CD48: variants seen among roughly 807,000 people sequenced by gnomAD.
CD48 encodes CD48 antigen.
A neutral mutation model predicts 22.0 loss-of-function variants in CD48; 20 were observed. The ratio of observed to expected loss-of-function variants is 0.91; its 90% CI spans 0.64 to 1.32. CD48 has a LOEUF of 1.32. Ranked by LOEUF, CD48 falls within the 40% of genes most tolerant of loss-of-function variation. The pLI, the probability that CD48 is intolerant of heterozygous loss-of-function variation, is 0.00. For missense variants in CD48, 307 were observed against 286.5 expected, an observed-to-expected ratio of 1.07 and a Z score of -0.52; for synonymous variants, 110 against 110.1, an observed-to-expected ratio of 1.00 and a Z score of 0.01.
At chr1:160,687,927 A>G (rs1662061642) in intron 1 of CD48, among the ~76,000 whole-genome samples, 1 of 152,252 alleles carries the variant, frequency 6.6e-6, no homozygotes, top group African/African-American at 2.4e-5. Flanking sequence ...ATGATAAATT[A>G]TCTTCTCTAC....
At chr1:160,694,090 T>G in intron 1 of CD48, among the ~76,000 whole-genome samples, 2 of 152,248 alleles carry the variant, frequency 1.3e-5, no homozygotes, top group African/African-American at 2.4e-5. Context: ...TAAAAGGAGT[T>G]CAAATTCATA....
At chr1:160,691,353 G>A (rs1662210280) in intron 1 of CD48, among the ~76,000 whole-genome samples, 1 of 152,196 alleles carries the variant, frequency 6.6e-6, no homozygotes, top group African/African-American at 2.4e-5. Context: ...ACTGAGATAG[G>A]GAGAAACCAC....
intron 1 of CD48, among the ~76,000 whole-genome samples, chr1:160,688,587 C>G (rs1282494090): frequency 6.6e-6 from 1 of 152,186 alleles, no homozygotes; most frequent in African/African-American, 2.4e-5. Flanking sequence ...ATGTCTGGGT[C>G]TATGTTGATA....
rs139193864 is a variant in CD48, at chr1:160,706,234, C to T, written c.82+5448G>A. 2.2e-3 allele frequency among the ~76,000 whole-genome samples: 332 copies of T among 152,208 alleles called. 1 individual carries two copies. The highest frequency in any genetic ancestry group is 7.5e-3 in the African/African-American group (311 of 41,524). ...GGATTACAGGCATGCACCACCACGC[C>T]GGGCTAATTTTTTGTATTTAGTAGA... is the stretch of plus-strand genomic sequence containing the variant. On this transcript the variant is annotated intron_variant, in intron 1 of 3. Transcript: ENST00000368046.
In CD48 at chr1:160,691,642, G is replaced by A. The variant is rs1048724159; in HGVS notation, c.83-6453C>T. The A allele has an allele frequency of 2.4e-5, 5 of 206,138 alleles. No homozygotes were observed. In the East Asian group the frequency reaches 2.9e-4, roughly 12 times the overall value. 12.8% of individuals were successfully genotyped at this position (206,138 alleles called of 1,614,324 possible). The stretch of plus-strand genomic sequence containing the variant: ...CATATGCTGAACGTTGGTTCCCCGG[G>A]CCCCCTTATTTCTTTCTCTATACTT... On this transcript the variant is annotated intron_variant, in intron 1 of 3. Transcript: ENST00000368046.
At chr1:160,693,119 C>T (rs577651900) in intron 1 of CD48, among the ~76,000 whole-genome samples, 126 of 149,660 alleles carry the variant, frequency 8.4e-4, no homozygotes, top group African/African-American at 3.2e-3. Context: ...AGCATTAATG[C>T]AAAATGAGGC....
At chr1:160,700,676 G>A (rs1471152021) in intron 1 of CD48, among the ~76,000 whole-genome samples, 17 of 152,078 alleles carry the variant, frequency 1.1e-4, no homozygotes, top group African/African-American at 2.9e-4. Flanking sequence ...GAATCTCCCC[G>A]CAACATAGAA....
At chr1:160,684,840 C>T (rs373987455) in intron 2 of CD48, 47 bp downstream of exon 2, 6 of 1,614,114 alleles carry the variant, frequency 3.7e-6, no homozygotes, top group Admixed American at 1.7e-5. Flanking sequence ...AGTGGTCCAT[C>T]TGGGGCCACT....
intron 1 of CD48, among the ~76,000 whole-genome samples, chr1:160,698,684 A>G (rs892061893): frequency 5.3e-5 from 8 of 152,070 alleles, no homozygotes; most frequent in Admixed American, 2.0e-4. Context: ...TACACCCCAA[A>G]TTTATAATGA....
chr1:160,707,292 G>A (rs1462832748), intron 1 of CD48, among the ~76,000 whole-genome samples: 1 of 152,136 alleles, frequency 6.6e-6, no homozygotes, highest in Non-Finnish European at 1.5e-5. Flanking sequence ...AGAATGGTAG[G>A]GCGGTATGTA....
At chr1:160,695,499 CA>C (rs2102421312) in intron 1 of CD48, among the ~76,000 whole-genome samples, 2 of 152,402 alleles carry the variant, frequency 1.3e-5, no homozygotes, top group Admixed American at 1.3e-4. Flanking sequence ...TAAGAAAAGA[CA>C]CATTAAAAAC....
chr1:160,685,252 G>GTA, intron 1 of CD48, 63 bp from the exon 2 acceptor site: 1 of 1,244,484 alleles, frequency 8.0e-7, no homozygotes, highest in Non-Finnish European at 1.1e-6. Context: ...CAGGCCCAGG[G>GTA]TATAGCCTGG....
intron 1 of CD48, among the ~76,000 whole-genome samples, chr1:160,707,742 AAG>A (rs1180579748): frequency 6.6e-6 from 1 of 152,180 alleles, no homozygotes; most frequent in Non-Finnish European, 1.5e-5. Context: ...CAGGGCCAGT[AAG>A]AGCTACTCTG....
chr1:160,711,447 T>C (rs989975158), intron 1 of CD48, among the ~76,000 whole-genome samples: 4 of 152,200 alleles, frequency 2.6e-5, no homozygotes, highest in Non-Finnish European at 5.9e-5. Flanking sequence ...AGCCTACTTC[T>C]CTTGCTCCCC....
At chr1:160,685,620 G>A (rs80176997) in intron 1 of CD48, among the ~76,000 whole-genome samples, 2,299 of 152,192 alleles carry the variant, frequency 0.015, 55 homozygotes, top group African/African-American at 0.053. Flanking sequence ...ACATGATTCT[G>A]TTTAAAAATA....
At chr1:160,698,880 G>C (rs1376575675) in intron 1 of CD48, 10 of 152,608 alleles carry the variant, frequency 6.6e-5, no homozygotes, top group African/African-American at 2.4e-4. Flanking sequence ...CCTGTCACTT[G>C]GATTAAGACC....
intron 1 of CD48, among the ~76,000 whole-genome samples, chr1:160,703,318 AAGG>A (rs1391915395): frequency 6.6e-6 from 1 of 152,210 alleles, no homozygotes; most frequent in African/African-American, 2.4e-5. Flanking sequence ...ATCTTAACAT[AAGG>A]AGAAGTAGGA....
chr1:160,680,759 G>T, intron 3 of CD48: 1 of 1,061,154 alleles, frequency 9.4e-7, no homozygotes, highest in Non-Finnish European at 1.1e-6. Context: ...TCTTTCCCTG[G>T]CTGACTTTGG....
intron 1 of CD48, among the ~76,000 whole-genome samples, chr1:160,700,208 G>A (rs511799): frequency 0.5 from 75,284 of 152,030 alleles, 19,206 homozygotes; most frequent in East Asian, 0.73. Flanking sequence ...TTGGTTAATC[G>A]AGGAACCACC....
Sources: allele counts gnomAD v4.1 joint callset (sites outside exome capture counted in the v4.1 genomes callset), GRCh38; gene constraint gnomAD v4.1.1; transcripts MANE v1.5; gene names NCBI Gene and HGNC (gene_info 2026-07-23, HGNC 2026-07-21).